The following PHC3 variants were observed in gnomAD, a reference collection of about 807,000 sequenced individuals.
The protein encoded by PHC3 is polyhomeotic homolog 3.
PHC3 carries 13 observed loss-of-function variants against 107.4 expected under a neutral mutation model. The ratio of observed to expected loss-of-function variants is 0.12; its 90% confidence interval spans 0.08 to 0.19. PHC3 has a LOEUF of 0.19. Among genes scored for constraint, PHC3 ranks in the 10% least tolerant of loss-of-function variants. PHC3 has a pLI of 1.00. For missense variants in PHC3, 992 were observed against 1,210.9 expected (o/e 0.82, Z 2.68); for synonymous variants, 456 against 427.4 (o/e 1.07, Z -0.83).
At chr3:170,174,471 G>C (rs1004007273) in intron 2 of PHC3, among the ~76,000 whole-genome samples, 2 of 152,146 alleles carry the variant, frequency 1.3e-5, no homozygotes, top group Non-Finnish European at 2.9e-5. Context: ...TTCTCCAAAA[G>C]GTTAAGTCAG....
intron 8 of PHC3, among the ~76,000 whole-genome samples, chr3:170,123,979 C>T (rs932566262): frequency 1.3e-5 from 2 of 151,826 alleles, no homozygotes; most frequent in Non-Finnish European, 2.9e-5. Context: ...CCCCGAGTAG[C>T]TGGGACTACA....
At chr3:170,133,159 A>G (rs182024008) in intron 7 of PHC3, among the ~76,000 whole-genome samples, 1 of 152,220 alleles carries the variant, frequency 6.6e-6, no homozygotes, top group East Asian at 1.9e-4. Context: ...AGAATATCTC[A>G]AAATATCTTC....
chr3:170,129,331 A>C lies in PHC3; in HGVS notation c.1141T>G (p.Ser381Ala). The C allele has an allele frequency of 6.2e-7, 1 of 1,613,902 alleles. No individual in the cohort carries two copies. Among genetic ancestry groups the C allele is most frequent in the Non-Finnish European group, 8.5e-7 (1 of 1,179,858 alleles). ...GLPPAPSNAQ[S>A]QHCSPIQSHP... ...CTCTGAATCGGTGAACAATGCTGTG[A>C]CTGGGCATTACTGGGAGCTGGAGGA... Residue 381 changes from serine (S) to alanine (A), a missense_variant, in exon 8 of 15, where the codon TCA becomes GCA. Transcript: ENST00000495893.
At chr3:170,119,599 T>G (rs760250336) in intron 9 of PHC3, among the ~76,000 whole-genome samples, 5 of 152,190 alleles carry the variant, frequency 3.3e-5, no homozygotes, top group Non-Finnish European at 2.9e-5. Flanking sequence ...TTACGCCCTC[T>G]AGATTTAAGA....
At chr3:170,132,390 G>A (rs2108486978) in intron 7 of PHC3, among the ~76,000 whole-genome samples, 1 of 152,260 alleles carries the variant, frequency 6.6e-6, no homozygotes, top group African/African-American at 2.4e-5. Flanking sequence ...TGAGTCTAGG[G>A]CCCTGTTATG....
chr3:170,171,230 T>C, intron 4 of PHC3, 143 bp downstream of exon 4: 1 of 616,394 alleles, frequency 1.6e-6, no homozygotes, highest in East Asian at 3.0e-5. Flanking sequence ...TCTTGAATTT[T>C]ATCATTTCTA....
rs375173721 is a variant in PHC3, at chr3:170,102,848, C to T, written c.2555G>A (p.Arg852His). Residue 852 changes from arginine to histidine, a missense_variant, in exon 13 of 15, where the codon CGT (arginine) becomes CAT (histidine). Around this residue, in one of 6 missense-constraint regions of PHC3, gnomAD observed 228 missense variants for 288.8 expected, o/e 0.79. Coordinates refer to ENST00000495893, the MANE Select transcript of PHC3 (RefSeq NM_024947.4). ...DNQSLGHRGR[R>H]PSGPDGAARE... Reference sequence around the variant, plus strand: ...CGCTGCCCCATCAGGGCCACTTGGACGACGGCCACGATGCCCAAGACTTTG... The same window carrying T: ...CGCTGCCCCATCAGGGCCACTTGGATGACGGCCACGATGCCCAAGACTTTG... 1.2e-5 allele frequency: 19 copies of T among 1,613,848 alleles called. No homozygotes were observed. Among genetic ancestry groups the T allele is most frequent in the East Asian group, 8.9e-5 (4 of 44,864 alleles).
chr3:170,168,813 A>G (rs971316970), intron 4 of PHC3, among the ~76,000 whole-genome samples: 13 of 151,966 alleles, frequency 8.6e-5, no homozygotes, highest in African/African-American at 3.1e-4. Flanking sequence ...AGAATTAGTC[A>G]TGATTCTAAT....
chr3:170,179,847 C>T (rs2108800366), intron 1 of PHC3, among the ~76,000 whole-genome samples: 2 of 152,184 alleles, frequency 1.3e-5, no homozygotes, highest in East Asian at 1.9e-4. Flanking sequence ...TAGTTTTTGT[C>T]GGGCCAGAAA....
At chr3:170,101,920 T>C (rs1225416559) in intron 14 of PHC3, among the ~76,000 whole-genome samples, 1 of 152,062 alleles carries the variant, frequency 6.6e-6, no homozygotes, top group Non-Finnish European at 1.5e-5. Context: ...AAATAAAATT[T>C]CAGAAAGGCT....
At chr3:170,140,584 CTTTTTTTT>C (rs57137783) in intron 6 of PHC3, among the ~76,000 whole-genome samples, 54 of 69,606 alleles carry the variant, frequency 7.8e-4, no homozygotes, top group African/African-American at 1.8e-3. Context: ...ATTTCTTTTT[CTTTTTTTT>C]TTTTTTTTTT....
intron 7 of PHC3, among the ~76,000 whole-genome samples, chr3:170,134,370 A>G (rs987842265): frequency 6.6e-6 from 1 of 152,004 alleles, no homozygotes; most frequent in African/African-American, 2.4e-5. Flanking sequence ...TTGTATTTTT[A>G]GTAGAGACGG....
At chr3:170,111,313 G>GAACGAAT (rs1560033331) in intron 11 of PHC3, among the ~76,000 whole-genome samples, 3 of 110,942 alleles carry the variant, frequency 2.7e-5, no homozygotes, top group East Asian at 4.9e-4. Context: ...AAGGAAGGAA[G>GAACGAAT]GAAGGAACGA....
rs910839400 is a variant in PHC3, at chr3:170,093,825, T to C, written c.*3405A>G. 3.3e-5 allele frequency: 5 copies of C among 152,210 alleles called. No homozygotes were observed. The highest frequency in any genetic ancestry group is 2.0e-4 in the Admixed American group (3 of 15,278). The allele number at this position is 152,210 out of a possible 1,614,324, so 9.4% of individuals were successfully genotyped here. A position where few individuals can be genotyped will look rare whatever the true frequency, so the allele number is the denominator to read the frequency against. Reference sequence around the variant, plus strand: ...AAAGGCATGATCACAATAATACTTGTTTCATAGTTCTAAGTATTTTGATAC... The same window carrying C: ...AAAGGCATGATCACAATAATACTTGCTTCATAGTTCTAAGTATTTTGATAC... On this transcript the variant is annotated 3_prime_UTR_variant, in exon 15 of 15. Coordinates refer to ENST00000495893, the MANE Select transcript of PHC3 (RefSeq NM_024947.4).
At chr3:170,131,244 CTTT>C (rs1722222387) in intron 7 of PHC3, among the ~76,000 whole-genome samples, 1 of 151,238 alleles carries the variant, frequency 6.6e-6, no homozygotes, top group African/African-American at 2.4e-5. Flanking sequence ...TTATGTCAGT[CTTT>C]TAAAACTGTG....
At chr3:170,179,250 G>A (rs1321209100) in intron 1 of PHC3, among the ~76,000 whole-genome samples, 3 of 152,084 alleles carry the variant, frequency 2.0e-5, no homozygotes, top group South Asian at 2.1e-4. Flanking sequence ...GGTAATGAGA[G>A]AATACTAAAC....
rs747478150 is a variant in PHC3, at chr3:170,117,421, T to C, written c.1998A>G (p.Pro666=). Residue 666 remains proline (P), a synonymous_variant, in exon 10 of 15, where the codon CCA becomes CCG. Coordinates refer to ENST00000495893, the MANE Select transcript of PHC3 (RefSeq NM_024947.4). ...ASVSASVIKS[P]SDPSHVSVPP... ...GAACAGAAACATGTGAGGGATCTGA[T>C]GGAGATTTAATTACTGAAGCACTGA... 4.2e-5 allele frequency: 68 copies of C among 1,613,578 alleles called. 1 individual carries two copies. In the South Asian group the frequency reaches 7.2e-4, roughly 17 times the overall value.
chr3:170,160,298 A>G (rs1727672177), intron 4 of PHC3, among the ~76,000 whole-genome samples: 1 of 152,244 alleles, frequency 6.6e-6, no homozygotes, highest in Non-Finnish European at 1.5e-5. Flanking sequence ...CTCAGCTACT[A>G]TAATACAATC....
intron 1 of PHC3, among the ~76,000 whole-genome samples, 173 bp downstream of exon 1, chr3:170,181,529 C>A (rs1419267348): frequency 6.6e-6 from 1 of 152,136 alleles, no homozygotes. Context: ...CCCTAGAGTT[C>A]GTCTTCGCCC....
Sources: gnomAD v4.1 joint callset for allele counts (sites outside exome capture counted in the v4.1 genomes callset) on GRCh38, gnomAD v4.1.1 for gene constraint, gnomAD v4.1.1 regional missense constraint, MANE v1.5 for transcripts, NCBI Gene and HGNC (gene_info 2026-07-23, HGNC 2026-07-21) for gene names.